Variants in PKIG observed in about 807,000 individuals in gnomAD.
The protein encoded by PKIG is protein kinase (cAMP-dependent, catalytic) inhibitor gamma.
In PKIG, 1 loss-of-function variant was observed where a neutral mutation model predicts 6.8. The ratio of observed to expected loss-of-function variants is 0.15; its 90% CI spans 0.05 to 0.69. The LOEUF (loss-of-function observed/expected upper bound fraction) is 0.69. PKIG is among the 30% of genes least tolerant of loss of function. PKIG has a pLI of 0.82. For synonymous variants in PKIG, 39 were observed against 43.0 expected, an observed-to-expected ratio of 0.91 and a Z score of 0.36; for missense variants, 77 against 104.0, an observed-to-expected ratio of 0.74 and a Z score of 1.13.
At chr20:44,575,076 C>G (rs1242494611) in intron 1 of PKIG, among the ~76,000 whole-genome samples, 1 of 151,720 alleles carries the variant, frequency 6.6e-6, no homozygotes, top group Admixed American at 6.6e-5. Flanking sequence ...GTTTTTGAGA[C>G]AGTCTCGCTC....
intron 1 of PKIG, among the ~76,000 whole-genome samples, chr20:44,570,000 A>G (rs184739800): frequency 6.6e-6 from 1 of 152,296 alleles, no homozygotes; most frequent in African/African-American, 2.4e-5. Context: ...ATGGTGGTGC[A>G]TGCCTGTAGT....
chr20:44,571,349 A>G (rs1325791060), intron 1 of PKIG, among the ~76,000 whole-genome samples: 2 of 152,210 alleles, frequency 1.3e-5, no homozygotes, highest in African/African-American at 4.8e-5. Context: ...CCTAATGTAA[A>G]AAAAAAGTGG....
chr20:44,615,356 C>T (rs539752921), intron 3 of PKIG, among the ~76,000 whole-genome samples: 23 of 152,240 alleles, frequency 1.5e-4, no homozygotes, highest in Non-Finnish European at 2.9e-4. Flanking sequence ...TCACATGACC[C>T]TCATCACTCT....
chr20:44,593,682 G>A (rs1388030679), intron 2 of PKIG, among the ~76,000 whole-genome samples: 2 of 152,142 alleles, frequency 1.3e-5, no homozygotes, highest in African/African-American at 4.8e-5. Context: ...GCGACCTAAT[G>A]TACAGCATGG....
chr20:44,603,337 T>C (rs1291262092), intron 2 of PKIG, among the ~76,000 whole-genome samples: 1 of 152,206 alleles, frequency 6.6e-6, no homozygotes, highest in Non-Finnish European at 1.5e-5. Flanking sequence ...CATCACTTAC[T>C]ACACTTTTTG....
At chr20:44,611,332 G>A (rs149160213) in intron 2 of PKIG, among the ~76,000 whole-genome samples, 4,107 of 152,070 alleles carry the variant, frequency 0.027, 78 homozygotes, top group Non-Finnish European at 0.042. Flanking sequence ...GGGATTATAG[G>A]CATGAGCCAC....
intron 2 of PKIG, among the ~76,000 whole-genome samples, chr20:44,604,548 AAG>A (rs2065148114): frequency 6.6e-6 from 1 of 152,254 alleles, no homozygotes; most frequent in African/African-American, 2.4e-5. Flanking sequence ...GAGAATGTAA[AAG>A]AGCATTCTGA....
intron 1 of PKIG, among the ~76,000 whole-genome samples, chr20:44,588,181 C>T (rs150933502): frequency 6.6e-6 from 1 of 152,306 alleles, no homozygotes; most frequent in Non-Finnish European, 1.5e-5. Flanking sequence ...AACCTAATAT[C>T]CGCCAGGCAC....
intron 2 of PKIG, among the ~76,000 whole-genome samples, chr20:44,605,097 C>A (rs2065152392): frequency 6.6e-6 from 1 of 152,078 alleles, no homozygotes; most frequent in African/African-American, 2.4e-5. Context: ...GACAGATCAG[C>A]TGGAGAGATT....
chr20:44,599,637 G>T (rs895487254), intron 2 of PKIG, among the ~76,000 whole-genome samples: 3 of 152,090 alleles, frequency 2.0e-5, no homozygotes, highest in African/African-American at 7.2e-5. Flanking sequence ...CAGGAGAATC[G>T]CTTGAACCTG....
At chr20:44,596,615 G>T (rs557940464) in intron 2 of PKIG, among the ~76,000 whole-genome samples, 1 of 152,332 alleles carries the variant, frequency 6.6e-6, no homozygotes, top group Admixed American at 6.5e-5. Flanking sequence ...TACCTATGTA[G>T]CAAGTTCTGG....
chr20:44,569,286 C>G (rs1397612471), intron 1 of PKIG, among the ~76,000 whole-genome samples: 1 of 152,204 alleles, frequency 6.6e-6, no homozygotes, highest in African/African-American at 2.4e-5. Flanking sequence ...AATTTTCTCT[C>G]TCCTGAAATT....
upstream of PKIG, among the ~76,000 whole-genome samples, chr20:44,580,326 T>G (rs2064936930): frequency 1.3e-5 from 2 of 152,048 alleles, no homozygotes; most frequent in South Asian, 4.2e-4. Context: ...GCTGGTGTTT[T>G]TTTGTTTTGT....
At chr20:44,578,122 C>T (rs554822951), upstream of PKIG, among the ~76,000 whole-genome samples, 5 of 151,942 alleles carry the variant, frequency 3.3e-5, no homozygotes, top group South Asian at 2.1e-4. Context: ...GGGCGGATCA[C>T]GAGGTCGGGA....
At chr20:44,583,762 T>C (rs2064967049) in intron 1 of PKIG, among the ~76,000 whole-genome samples, 1 of 152,168 alleles carries the variant, frequency 6.6e-6, no homozygotes, top group Non-Finnish European at 1.5e-5. Flanking sequence ...CCAAATTCAG[T>C]ATGAAATGAA....
At chr20:44,557,734 G>A (rs6031655) in intron 1 of PKIG, among the ~76,000 whole-genome samples, 1 of 151,820 alleles carries the variant, frequency 6.6e-6, no homozygotes, top group Non-Finnish European at 1.5e-5. Flanking sequence ...TGAGGCAGGA[G>A]AATGGCGTGA....
intron 2 of PKIG, among the ~76,000 whole-genome samples, chr20:44,590,085 T>G (rs933749673): frequency 6.6e-5 from 10 of 152,174 alleles, no homozygotes; most frequent in Non-Finnish European, 1.5e-4. Flanking sequence ...CAGGCGTTTT[T>G]TTTTTAATAG....
intron 1 of PKIG, among the ~76,000 whole-genome samples, chr20:44,556,817 T>C (rs1387329377): frequency 6.6e-6 from 1 of 152,172 alleles, no homozygotes; most frequent in Non-Finnish European, 1.5e-5. Flanking sequence ...ATACTAGATA[T>C]ATAGGTTTAA....
At chr20:44,608,956 T>C (rs1319850933) in intron 2 of PKIG, among the ~76,000 whole-genome samples, 2 of 152,222 alleles carry the variant, frequency 1.3e-5, no homozygotes, top group Admixed American at 1.3e-4. Context: ...GTCAAGTCAC[T>C]GCCCAAGGAG....
Sources: allele counts gnomAD v4.1 joint callset (sites outside exome capture counted in the v4.1 genomes callset), GRCh38; gene constraint gnomAD v4.1.1; transcripts MANE v1.5; gene names NCBI Gene and HGNC (gene_info 2026-07-23, HGNC 2026-07-21).